Variants in FGD4 observed in about 807,000 individuals in gnomAD.
The protein encoded by FGD4 is FYVE, RhoGEF and PH domain containing 4.
FGD4 carries 42 observed loss-of-function variants against 102.0 expected under a neutral mutation model. The observed-to-expected ratio is 0.41, with a 90% confidence interval of 0.32 to 0.53. FGD4 has a LOEUF of 0.53. Among genes scored for constraint, FGD4 ranks in the 20% least tolerant of loss-of-function variants. The pLI is 0.21. For synonymous variants in FGD4, 380 were observed against 375.7 expected (o/e 1.01, Z -0.13); for missense variants, 902 against 1,078.2 (o/e 0.84, Z 2.29).
At chr12:32,400,065 G>A in intron 1 of FGD4, 106 bp downstream of exon 1, 3 of 1,376,324 alleles carry the variant, frequency 2.2e-6, no homozygotes, top group Non-Finnish European at 1.9e-6. Flanking sequence ...CGCTGCGGAG[G>A]TAACTGGTTC....
chr12:32,507,910 A>T (rs1171736396), intron 1 of FGD4, among the ~76,000 whole-genome samples: 1 of 152,080 alleles, frequency 6.6e-6, no homozygotes, highest in African/African-American at 2.4e-5. Flanking sequence ...AATATTTGCT[A>T]CTCTTAGTAG....
chr12:32,524,335 G>T (rs1177028600), intron 1 of FGD4, among the ~76,000 whole-genome samples: 1 of 146,902 alleles, frequency 6.8e-6, no homozygotes, highest in Non-Finnish European at 1.5e-5. Context: ...GGAGGAGGGT[G>T]CAGTGAGCCG....
At chr12:32,508,065 A>AT (rs1938968447) in intron 1 of FGD4, among the ~76,000 whole-genome samples, 1 of 152,150 alleles carries the variant, frequency 6.6e-6, no homozygotes, top group African/African-American at 2.4e-5. Flanking sequence ...TAAGAGTATC[A>AT]TTTGCATTCA....
chr12:32,464,416 G>A (rs933927246), intron 1 of FGD4, among the ~76,000 whole-genome samples: 8 of 152,140 alleles, frequency 5.3e-5, no homozygotes, highest in Non-Finnish European at 7.3e-5. Flanking sequence ...GTCTCCCAAA[G>A]TGCTAGGATT....
intron 1 of FGD4, among the ~76,000 whole-genome samples, chr12:32,527,976 C>CT (rs1219335813): frequency 6.7e-6 from 1 of 149,804 alleles, no homozygotes; most frequent in Non-Finnish European, 1.5e-5. Context: ...TTTTCTTTTT[C>CT]TTTTTTTGGT....
At chr12:32,559,160 T>G (rs1035722453) in intron 1 of FGD4, among the ~76,000 whole-genome samples, 3 of 152,226 alleles carry the variant, frequency 2.0e-5, no homozygotes, top group Admixed American at 6.5e-5. Flanking sequence ...GTTAGGCAAC[T>G]GACACCCAAA....
At chr12:32,567,744 G>A (rs11052081) in intron 2 of FGD4, among the ~76,000 whole-genome samples, 13,270 of 148,128 alleles carry the variant, frequency 0.09, 759 homozygotes, top group Middle Eastern at 0.18. Flanking sequence ...CTGGAGTGCA[G>A]TGGTGTGATC....
chr12:32,625,187 G>T, intron 13 of FGD4, 119 bp downstream of exon 13: 2 of 755,138 alleles, frequency 2.6e-6, no homozygotes, highest in Non-Finnish European at 4.5e-6. Context: ...TGGCTGGTTA[G>T]ACAGAATCTC....
chr12:32,545,660 T>G (rs1194971891), intron 1 of FGD4, among the ~76,000 whole-genome samples: 3 of 152,236 alleles, frequency 2.0e-5, no homozygotes, highest in Admixed American at 1.3e-4. Flanking sequence ...ATCTTCCCAT[T>G]GGAAAGTTGG....
chr12:32,458,071 A>G (rs947367818), intron 1 of FGD4, among the ~76,000 whole-genome samples: 1 of 152,072 alleles, frequency 6.6e-6, no homozygotes, highest in Non-Finnish European at 1.5e-5. Context: ...AAAGTGAAAT[A>G]ACAGGTACAA....
intron 15 of FGD4, among the ~76,000 whole-genome samples, chr12:32,636,305 G>A (rs1200130955): frequency 6.6e-6 from 1 of 152,074 alleles, no homozygotes; most frequent in Non-Finnish European, 1.5e-5. Flanking sequence ...AGGCTGAGGT[G>A]GGTGGATCAC....
chr12:32,594,958 T>G (rs890134821), intron 4 of FGD4, among the ~76,000 whole-genome samples: 7 of 149,716 alleles, frequency 4.7e-5, no homozygotes, highest in African/African-American at 1.5e-4. Context: ...TTGAACCCGG[T>G]AGGCAGAGGT....
intron 1 of FGD4, among the ~76,000 whole-genome samples, chr12:32,401,596 C>T (rs892149802): frequency 1.2e-4 from 18 of 152,102 alleles, no homozygotes; most frequent in South Asian, 6.2e-4. Context: ...CTTAAAATCA[C>T]CTGGCTAAAT....
At chr12:32,563,417 G>A (rs1944859959) in intron 1 of FGD4, among the ~76,000 whole-genome samples, 1 of 151,824 alleles carries the variant, frequency 6.6e-6, no homozygotes, top group East Asian at 1.9e-4. Context: ...GCCGGGCAGA[G>A]ACGCTCCTCA....
intron 1 of FGD4, among the ~76,000 whole-genome samples, chr12:32,448,683 T>C (rs932868089): frequency 7.6e-6 from 1 of 132,018 alleles, no homozygotes; most frequent in Admixed American, 7.6e-5. Flanking sequence ...GAAAAAGGGG[T>C]GATTGAGCTT....
intron 1 of FGD4, among the ~76,000 whole-genome samples, chr12:32,478,974 T>C (rs1943652938): frequency 1.3e-5 from 2 of 152,256 alleles, no homozygotes; most frequent in African/African-American, 4.8e-5. Context: ...TGTTGGTTTC[T>C]AGAGATTATT....
chr12:32,415,613 G>A (rs893578175), intron 1 of FGD4, among the ~76,000 whole-genome samples: 1 of 151,858 alleles, frequency 6.6e-6, no homozygotes, highest in East Asian at 1.9e-4. Context: ...TAGTAGAGAC[G>A]GGTTTCACCG....
intron 2 of FGD4, among the ~76,000 whole-genome samples, chr12:32,567,696 T>TC (rs1945305107): frequency 1.3e-5 from 2 of 151,604 alleles, no homozygotes; most frequent in South Asian, 4.2e-4. Context: ...CTTTTTTTTT[T>TC]TTTTTTTGAG....
rs112118932 is a variant in FGD4 at position 32,584,601 on chromosome 12, A to C, written c.1011+2134A>C. ...CTTCATGTTGTAACCCCCCCCTCCC[A>C]AAAAAAAAGAAAAATCTTAAGGCCC... On this transcript the variant is annotated intron_variant, in intron 4 of 16. Coordinates refer to ENST00000534526, the MANE Select transcript of FGD4 (RefSeq NM_001370298.3). Among the ~76,000 whole-genome samples, 682 of 150,518 alleles carry C rather than the reference A, an allele frequency of 4.5e-3. 1 individual carries two copies. The highest frequency in any genetic ancestry group is 7.3e-3 in the Non-Finnish European group (496 of 67,494).
Sources: gnomAD v4.1 joint callset for allele counts (sites outside exome capture counted in the v4.1 genomes callset) on GRCh38, gnomAD v4.1.1 for gene constraint, MANE v1.5 for transcripts, NCBI Gene and HGNC (gene_info 2026-07-23, HGNC 2026-07-21) for gene names.